Variants in PGP observed in about 807,000 individuals in gnomAD.
The protein encoded by PGP is phosphoglycolate phosphatase.
A neutral mutation model predicts 19.3 loss-of-function variants in PGP; 9 were observed. That is an observed-to-expected ratio of 0.47 (90% CI 0.28 to 0.81). The LOEUF (loss-of-function observed/expected upper bound fraction) is 0.81. Among genes scored for constraint, PGP ranks in the 40% least tolerant of loss-of-function variants. The pLI is 0.11. For missense variants in PGP, 403 were observed against 479.9 expected (o/e 0.84, Z 1.50); for synonymous variants, 308 against 226.8 (o/e 1.36, Z -3.22).
Position 2,212,385 on chromosome 16 carries a change from T to G in PGP, c.*1343A>C. 1 of 985,962 alleles carries G rather than the reference T, an allele frequency of 1.0e-6. No homozygotes were observed. The highest frequency in any genetic ancestry group is 1.2e-6 in the Non-Finnish European group (1 of 830,190). 61.1% of individuals were successfully genotyped at this position (985,962 alleles called of 1,614,324 possible). A position where few individuals can be genotyped will look rare whatever the true frequency, so the allele number is the denominator to read the frequency against. On this transcript the variant is annotated 3_prime_UTR_variant, in exon 2 of 2. Transcript: ENST00000333503. ...TGCCAGGTACAGGGAAAGGCGCTGG[T>G]AGGGAGCCAGCCAGAAGGTGCAGCA...
rs1184440349 is a variant in PGP at position 2,214,747 on chromosome 16, C to T, written c.31G>A (p.Ala11Thr). 1.7e-6 allele frequency: 2 copies of T among 1,194,766 alleles called. No individual in the cohort carries two copies. The highest frequency in any genetic ancestry group is 2.1e-6 in the Non-Finnish European group (2 of 963,126). The allele number at this position is 1,194,766 out of a possible 1,614,324, so 74.0% of individuals were successfully genotyped here. MAAAEAGGDD[A>T]RCVRLSAERA... ...TCGGCGCTCAGCCGCACGCAGCGGG[C>T]GTCGTCGCCACCGGCCTCCGCCGCC... Residue 11 changes from alanine to threonine, a missense_variant, in exon 1 of 2, where the codon GCC becomes ACC. By Grantham distance (58) the Ala-to-Thr change is moderately conservative (BLOSUM62 0). Transcript: ENST00000333503. This position sits in a 1 kb window ranked among gnomAD's most constrained non-coding sequence, Gnocchi z 7.1.
In PGP at chr16:2,213,724, A is replaced by C. The variant is rs369756683; in HGVS notation, c.*4T>G. 1 of 1,516,878 alleles carries C rather than the reference A, an allele frequency of 6.6e-7. No homozygotes were observed. The highest frequency in any genetic ancestry group is 8.8e-7 in the Non-Finnish European group (1 of 1,131,094). 94.0% of individuals were successfully genotyped at this position (1,516,878 alleles called of 1,614,324 possible). On this transcript the variant is annotated 3_prime_UTR_variant, in exon 2 of 2. Transcript: ENST00000333503. ...TTATTCTGCAGATTAAAGACACTCA[A>C]TCTTTAACCTTGAAGGGCAGGCAAA...
In PGP at chr16:2,214,010, G is replaced by C; in HGVS notation, c.684C>G (p.Arg228=). ...TGGGCTTCCCGATGATGTCGGCCTGGCGCTGGGCGGCCATCTCCACGGCTC... is the reference window on the plus strand; with the variant it reads ...TGGGCTTCCCGATGATGTCGGCCTGCCGCTGGGCGGCCATCTCCACGGCTC... The part of the protein sequence containing the change: ...LVRAVEMAAQ[R]QADIIGKPSR... Residue 228 remains arginine, a synonymous_variant, in exon 2 of 2, where the codon CGC becomes CGG. Transcript: ENST00000333503. This position sits in a 1 kb window ranked among gnomAD's most constrained non-coding sequence, Gnocchi z 7.1. 6.2e-7 allele frequency: 1 copy of C among 1,604,114 alleles called. No individual in the cohort carries two copies.
chr16:2,212,606 A>G lies in PGP; in HGVS notation c.*1122T>C, dbSNP rs2093378247. The G allele has an allele frequency of 2.0e-6, 2 of 985,470 alleles. No individual in the cohort carries two copies. Among genetic ancestry groups the G allele is most frequent in the Non-Finnish European group, 2.4e-6 (2 of 829,936 alleles). 61.0% of individuals were successfully genotyped at this position (985,470 alleles called of 1,614,324 possible). ...GCCACCAGTCTCTAACCCCTACCCC[A>G]GCCTAGGGAAGGGGAGGACAGGAAG... On this transcript the variant is annotated 3_prime_UTR_variant, in exon 2 of 2. Transcript: ENST00000333503.
chr16:2,213,956 CT>C lies in PGP; in HGVS notation c.737del (p.Gln246ArgfsTer23). ...PSRFIFDCVS[Q>X]EYGINPERTV... The stretch of plus-strand genomic sequence containing the variant: ...TGCGCTCGGGGTTGATGCCGTATTC[CT>C]GGGACACGCAGTCGAAAATGAAGCG... On this transcript the variant is annotated frameshift_variant, in exon 2 of 2. Coordinates refer to ENST00000333503, the MANE Select transcript of PGP (RefSeq NM_001042371.3). LOFTEE classifies it high-confidence loss of function. 1 of 1,611,704 alleles carries C rather than the reference CT, an allele frequency of 6.2e-7. No individual in the cohort carries two copies. Among genetic ancestry groups the C allele is most frequent in the East Asian group, 2.2e-5 (1 of 44,804 alleles).
chr16:2,212,005 A>G lies in PGP; in HGVS notation c.*1723T>C, dbSNP rs1241538282. ...GGACACCTGAGCCAGTGTGGGTTTG[A>G]GAGTTTAATCTGTGCTCTGGCGCCC... On this transcript the variant is annotated 3_prime_UTR_variant, in exon 2 of 2. Transcript: ENST00000333503. The G allele has an allele frequency of 4.1e-6, 4 of 985,406 alleles. No homozygotes were observed. In the East Asian group the frequency reaches 3.4e-4, roughly 84 times the overall value. 61.0% of individuals were successfully genotyped at this position (985,406 alleles called of 1,614,324 possible).
rs1181824046 is a variant in PGP at position 2,214,426 on chromosome 16, CG to C, written c.351del (p.Ala118ArgfsTer62). On this transcript the variant is annotated frameshift_variant, in exon 1 of 2. Transcript: ENST00000333503. LOFTEE classifies it high-confidence loss of function. This position sits in a 1 kb window ranked among gnomAD's most constrained non-coding sequence, Gnocchi z 7.1. Reference sequence around the variant, plus strand: ...CTGCCCAGCACGTAGGCCTTGGGCGCGGGGGCGCCGGCCAGGCGCTGGCGCA... The same window carrying C: ...CTGCCCAGCACGTAGGCCTTGGGCGCGGGGCGCCGGCCAGGCGCTGGCGCA... ...LYLRQRLAGA[P>X]APKAYVLGSP... 7.5e-7 allele frequency: 1 copy of C among 1,331,410 alleles called. No individual in the cohort carries two copies. The highest frequency in any genetic ancestry group is 9.5e-7 in the Non-Finnish European group (1 of 1,050,184). The allele number at this position is 1,331,410 out of a possible 1,614,324, so 82.5% of individuals were successfully genotyped here. A position where few individuals can be genotyped will look rare whatever the true frequency, so the allele number is the denominator to read the frequency against.
In PGP at chr16:2,212,896, G is replaced by T. The variant is rs1271906071; in HGVS notation, c.*832C>A. 1.0e-6 allele frequency: 1 copy of T among 982,154 alleles called. No individual in the cohort carries two copies. The highest frequency in any genetic ancestry group is 1.2e-4 in the East Asian group (1 of 8,630). The allele number at this position is 982,154 out of a possible 1,614,324, so 60.8% of individuals were successfully genotyped here. A position where few individuals can be genotyped will look rare whatever the true frequency, so the allele number is the denominator to read the frequency against. On this transcript the variant is annotated 3_prime_UTR_variant, in exon 2 of 2. Coordinates refer to ENST00000333503, the MANE Select transcript of PGP (RefSeq NM_001042371.3). ...AATACACTTAAAATTCAAATCCATT[G>T]CCTGACACAGTTGTTCAAAGTTAAA...
In PGP at chr16:2,213,297, G is replaced by C. The variant is rs912783153; in HGVS notation, c.*431C>G. Reference sequence around the variant, plus strand: ...TTTCAGTCATACTGATGGGGCTCTGGTCCATGCAAGCCTCTCCCAACAGTC... The same window carrying C: ...TTTCAGTCATACTGATGGGGCTCTGCTCCATGCAAGCCTCTCCCAACAGTC... On this transcript the variant is annotated 3_prime_UTR_variant, in exon 2 of 2. Coordinates refer to ENST00000333503, the MANE Select transcript of PGP (RefSeq NM_001042371.3). 1.0e-6 allele frequency: 1 copy of C among 987,442 alleles called. No homozygotes were observed. Among genetic ancestry groups the C allele is most frequent in the Non-Finnish European group, 1.2e-6 (1 of 831,144 alleles). The allele number at this position is 987,442 out of a possible 1,614,324, so 61.2% of individuals were successfully genotyped here. A position where few individuals can be genotyped will look rare whatever the true frequency, so the allele number is the denominator to read the frequency against.
At position 2,211,698 on chromosome 16, in the gene PGP, G is replaced by A; in HGVS notation, c.*2030C>T. 1 of 985,464 alleles carries A rather than the reference G, an allele frequency of 1.0e-6. No homozygotes were observed. Among genetic ancestry groups the A allele is most frequent in the Non-Finnish European group, 1.2e-6 (1 of 829,928 alleles). The allele number at this position is 985,464 out of a possible 1,614,324, so 61.0% of individuals were successfully genotyped here. ...CTTCCAAAGCGTTGGGATTACGGGT[G>A]TGAGCCACTGCGCCCGGGCCAGCAT... On this transcript the variant is annotated 3_prime_UTR_variant, in exon 2 of 2. Transcript: ENST00000333503.
At position 2,212,085 on chromosome 16, in the gene PGP, C is replaced by A; in HGVS notation, c.*1643G>T. 2.0e-6 allele frequency: 2 copies of A among 985,558 alleles called. No individual in the cohort carries two copies. Among genetic ancestry groups the A allele is most frequent in the Non-Finnish European group, 2.4e-6 (2 of 829,960 alleles). The allele number at this position is 985,558 out of a possible 1,614,324, so 61.1% of individuals were successfully genotyped here. On this transcript the variant is annotated 3_prime_UTR_variant, in exon 2 of 2. Transcript: ENST00000333503. ...ACAGGATGCACGGGGACTCCCAGCC[C>A]CTACCCGGCAAGAGAGGCATCACTG...
At position 2,213,708 on chromosome 16, in the gene PGP, A is replaced by T; in HGVS notation, c.*20T>A. ...TTCAATTTCTTTTTTTTTATTCTGC[A>T]GATTAAAGACACTCAATCTTTAACC... On this transcript the variant is annotated 3_prime_UTR_variant, in exon 2 of 2. Transcript: ENST00000333503. 2.0e-6 allele frequency: 3 copies of T among 1,490,320 alleles called. No homozygotes were observed. Among genetic ancestry groups the T allele is most frequent in the Non-Finnish European group, 2.7e-6 (3 of 1,120,090 alleles). The allele number at this position is 1,490,320 out of a possible 1,614,324, so 92.3% of individuals were successfully genotyped here.
chr16:2,214,788 C>A lies in PGP; in HGVS notation c.-11G>T. 2 of 928,320 alleles carry A rather than the reference C, an allele frequency of 2.2e-6. No homozygotes were observed. Among genetic ancestry groups the A allele is most frequent in the South Asian group, 4.8e-5 (1 of 20,912 alleles). The allele number at this position is 928,320 out of a possible 1,614,324, so 57.5% of individuals were successfully genotyped here. A position where few individuals can be genotyped will look rare whatever the true frequency, so the allele number is the denominator to read the frequency against. ...CTCCGCCGCCGCCATCGCCGCCCGC[C>A]GGCCGCCGCCGCCCGCCGGCCGCTC... On this transcript the variant is annotated 5_prime_UTR_variant, in exon 1 of 2. Coordinates refer to ENST00000333503, the MANE Select transcript of PGP (RefSeq NM_001042371.3). This position sits in a 1 kb window ranked among gnomAD's most constrained non-coding sequence, Gnocchi z 7.1.
At position 2,212,627 on chromosome 16, in the gene PGP, G is replaced by A. The variant is rs886366949; in HGVS notation, c.*1101C>T. 14 of 985,526 alleles carry A rather than the reference G, an allele frequency of 1.4e-5. No individual in the cohort carries two copies. The highest frequency in any genetic ancestry group is 1.7e-5 in the Non-Finnish European group (14 of 829,960). 61.0% of individuals were successfully genotyped at this position (985,526 alleles called of 1,614,324 possible). The stretch of plus-strand genomic sequence containing the variant: ...CCCCAGCCTAGGGAAGGGGAGGACA[G>A]GAAGAGACTGGATGCTTTGTAAAGG... On this transcript the variant is annotated 3_prime_UTR_variant, in exon 2 of 2. Coordinates refer to ENST00000333503, the MANE Select transcript of PGP (RefSeq NM_001042371.3).
chr16:2,214,471 A>G lies in PGP; in HGVS notation c.307T>C (p.Tyr103His). ...GASLEVFGTA[Y>H]CTALYLRQRL... is the part of the protein sequence containing the mutation. Reference sequence around the variant, plus strand: ...TGGCGCAGGTAGAGCGCGGTGCAGTAGGCCGTGCCGAAGACCTCCAGGCTG... The same window carrying G: ...TGGCGCAGGTAGAGCGCGGTGCAGTGGGCCGTGCCGAAGACCTCCAGGCTG... The change falls in exon 1 of 2, where the codon TAC becomes CAC. Residue 103 changes from tyrosine (Y) to histidine (H), a missense_variant. Coordinates refer to ENST00000333503, the MANE Select transcript of PGP (RefSeq NM_001042371.3). This position sits in a 1 kb window ranked among gnomAD's most constrained non-coding sequence, Gnocchi z 7.1. 1 of 1,379,900 alleles carries G rather than the reference A, an allele frequency of 7.2e-7. No homozygotes were observed. Among genetic ancestry groups the G allele is most frequent in the Non-Finnish European group, 9.3e-7 (1 of 1,074,074 alleles). The allele number at this position is 1,379,900 out of a possible 1,614,324, so 85.5% of individuals were successfully genotyped here.
Position 2,214,043 on chromosome 16 carries a change from A to C in PGP, c.651T>G (p.Cys217Trp). 6.3e-7 allele frequency: 1 copy of C among 1,599,150 alleles called. No homozygotes were observed. The highest frequency in any genetic ancestry group is 8.5e-7 in the Non-Finnish European group (1 of 1,172,646). Reference protein sequence around the residue: ...ENGRFIAGTGCLVRAVEMAAQ... With the variant: ...ENGRFIAGTGWLVRAVEMAAQ... The stretch of plus-strand genomic sequence containing the variant: ...CGGCCATCTCCACGGCTCGGACCAG[A>C]CACCCGGTACCTGCGGGGCACAGGG... Residue 217 changes from cysteine (C) to tryptophan (W), a missense_variant, in exon 2 of 2, where the codon TGT (cysteine) becomes TGG (tryptophan). Transcript: ENST00000333503. The surrounding 1 kb of genome is among the most constrained non-coding windows in gnomAD (Gnocchi z 7.1).
Position 2,213,890 on chromosome 16 carries a change from TAGG to T in PGP, c.801_803del (p.Leu268del), listed in dbSNP as rs749927302. On this transcript the variant is annotated inframe_deletion, in exon 2 of 2. Coordinates refer to ENST00000333503, the MANE Select transcript of PGP (RefSeq NM_001042371.3). Reference sequence around the variant, plus strand: ...TGGTCTTCAGGCCACAGGTGGCGCCTAGGAGGATGTCTGTGTCCAGGCGGTCTC... The same window carrying T: ...TGGTCTTCAGGCCACAGGTGGCGCCTAGGATGTCTGTGTCCAGGCGGTCTC... 14 of 1,613,052 alleles carry T rather than the reference TAGG, an allele frequency of 8.7e-6. No individual in the cohort carries two copies. The highest frequency in any genetic ancestry group is 1.7e-6 in the Non-Finnish European group (2 of 1,179,474).
In PGP at chr16:2,214,308, A is replaced by C; in HGVS notation, c.470T>G (p.Leu157Arg). ...CACGTCGGGCTCCAGCGGCGCGTGCAGCCAGTCGCCGGGACCCTCGCCCTG... is the reference window on the plus strand; with the variant it reads ...CACGTCGGGCTCCAGCGGCGCGTGCCGCCAGTCGCCGGGACCCTCGCCCTG... ...PLQGEGPGDW[L>R]HAPLEPDVRA... The change falls in exon 1 of 2, where the codon CTG becomes CGG. Residue 157 changes from leucine to arginine, a missense_variant. Transcript: ENST00000333503. This position sits in a 1 kb window ranked among gnomAD's most constrained non-coding sequence, Gnocchi z 7.1. The C allele has an allele frequency of 6.4e-7, 1 of 1,550,712 alleles. No homozygotes were observed. The highest frequency in any genetic ancestry group is 1.2e-5 in the South Asian group (1 of 85,564).
chr16:2,214,688 C>T lies in PGP; in HGVS notation c.90G>A (p.Thr30=). 3 of 1,417,576 alleles carry T rather than the reference C, an allele frequency of 2.1e-6. No individual in the cohort carries two copies. The highest frequency in any genetic ancestry group is 3.1e-5 in the East Asian group (1 of 31,808). 87.8% of individuals were successfully genotyped at this position (1,417,576 alleles called of 1,614,324 possible). The change falls in exon 1 of 2, where the codon ACG becomes ACA. Residue 30 remains threonine (T), a synonymous_variant. Transcript: ENST00000333503. This position sits in a 1 kb window ranked among gnomAD's most constrained non-coding sequence, Gnocchi z 7.1. ...GCACGCCGTCGCAGTCGAACAGCAGCGTGTCCACGTCGGCCAGCAGCGCCT... is the reference window on the plus strand; with the variant it reads ...GCACGCCGTCGCAGTCGAACAGCAGTGTGTCCACGTCGGCCAGCAGCGCCT... ...RAQALLADVD[T]LLFDCDGVLW...
Sources: gnomAD v4.1 joint callset for allele counts on GRCh38, gnomAD v4.1.1 for gene constraint, Gnocchi (gnomAD v3.1) non-coding constraint, MANE v1.5 for transcripts, NCBI Gene and HGNC (gene_info 2026-07-23, HGNC 2026-07-21) for gene names.